TBC1D19: variants seen among roughly 807,000 people sequenced by gnomAD.
The protein encoded by TBC1D19 is TBC1 domain family, member 19.
TBC1D19 carries 60 observed loss-of-function variants against 89.0 expected under a neutral mutation model. That is an observed-to-expected ratio of 0.67 (90% CI 0.55 to 0.84). The LOEUF (loss-of-function observed/expected upper bound fraction) is 0.84. Among genes scored for constraint, TBC1D19 ranks in the 40% least tolerant of loss-of-function variants. The pLI, the probability that TBC1D19 is intolerant of heterozygous loss-of-function variation, is 0.00. For missense variants in TBC1D19, 500 were observed against 610.8 expected, an observed-to-expected ratio of 0.82 and a Z score of 1.91; for synonymous variants, 189 against 199.7, an observed-to-expected ratio of 0.95 and a Z score of 0.45.
intron 9 of TBC1D19, among the ~76,000 whole-genome samples, 186 bp downstream of exon 9, chr4:26,666,591 A>C (rs1703327589): frequency 6.6e-6 from 1 of 151,986 alleles, no homozygotes; most frequent in South Asian, 2.1e-4. Context: ...ACTTCAACTA[A>C]ATTTTGTCTT....
intron 1 of TBC1D19, among the ~76,000 whole-genome samples, chr4:26,609,295 C>G (rs749242203): frequency 6.6e-6 from 1 of 151,962 alleles, no homozygotes; most frequent in African/African-American, 2.4e-5. Flanking sequence ...ACTTGGGATG[C>G]AAAAATAAAG....
intron 1 of TBC1D19, among the ~76,000 whole-genome samples, chr4:26,593,520 A>G (rs1397324378): frequency 6.6e-6 from 1 of 152,246 alleles, no homozygotes; most frequent in Non-Finnish European, 1.5e-5. Context: ...GCTTCTGCAC[A>G]GCAAAAGAAA....
At chr4:26,633,746 G>T (rs530614788) in intron 4 of TBC1D19, among the ~76,000 whole-genome samples, 1 of 152,140 alleles carries the variant, frequency 6.6e-6, no homozygotes, top group East Asian at 1.9e-4. Flanking sequence ...ACTCTCTTCT[G>T]CATTAAAAAC....
chr4:26,602,435 C>CTTTTT (rs34004440), intron 1 of TBC1D19, among the ~76,000 whole-genome samples: 6 of 73,040 alleles, frequency 8.2e-5, no homozygotes, highest in Admixed American at 2.0e-4. Flanking sequence ...CTATTGTATT[C>CTTTTT]TTTTTTTTTT....
chr4:26,842,535 TTCCC>T, the TBC1D19 span, among the ~76,000 whole-genome samples: 67 of 125,680 alleles, frequency 5.3e-4, no homozygotes, highest in African/African-American at 1.2e-3. Context: ...CTTCCCTTCC[TTCCC>T]TCCCTCCCTC....
chr4:26,802,691 ATACTT>A, the TBC1D19 span, among the ~76,000 whole-genome samples: 6 of 152,242 alleles, frequency 3.9e-5, no homozygotes, highest in Admixed American at 6.5e-5. Context: ...ATAATGGCAT[ATACTT>A]TATATATGTA....
chr4:26,678,135 G>A (rs186621478), intron 11 of TBC1D19, among the ~76,000 whole-genome samples: 21 of 152,284 alleles, frequency 1.4e-4, no homozygotes, highest in African/African-American at 2.6e-4. Flanking sequence ...GTTGAATGGC[G>A]TTGACCAAAA....
intron 15 of TBC1D19, among the ~76,000 whole-genome samples, chr4:26,734,289 T>C (rs1717834676): frequency 6.6e-6 from 1 of 152,140 alleles, no homozygotes; most frequent in Admixed American, 6.5e-5. Flanking sequence ...TTATTAGAAC[T>C]CACTCTATAT....
At chr4:26,776,760 G>A in the TBC1D19 span, among the ~76,000 whole-genome samples, 239 of 152,090 alleles carry the variant, frequency 1.6e-3, no homozygotes, top group African/African-American at 5.6e-3. Context: ...TTCTTTCCTT[G>A]TGTATCTTAA....
chr4:26,727,818 T>G (rs558481554), intron 15 of TBC1D19, among the ~76,000 whole-genome samples: 2 of 152,340 alleles, frequency 1.3e-5, no homozygotes, highest in Middle Eastern at 3.4e-3. Context: ...TAAGCCTTGA[T>G]TATATTTATA....
intron 4 of TBC1D19, among the ~76,000 whole-genome samples, chr4:26,634,000 T>C (rs1467598027): frequency 6.6e-6 from 1 of 151,926 alleles, no homozygotes; most frequent in Non-Finnish European, 1.5e-5. Context: ...TTGGAGTCTA[T>C]GGGTATGCCT....
intron 1 of TBC1D19, among the ~76,000 whole-genome samples, chr4:26,608,319 A>G (rs901893085): frequency 6.6e-6 from 1 of 152,186 alleles, no homozygotes; most frequent in African/African-American, 2.4e-5. Context: ...TATCAGAATA[A>G]AGCTGTACCT....
chr4:26,792,139 A>AT, the TBC1D19 span, among the ~76,000 whole-genome samples: 89 of 150,186 alleles, frequency 5.9e-4, no homozygotes, highest in African/African-American at 1.9e-3. Flanking sequence ...AGGTTTATGC[A>AT]TTTTTTTTTC....
chr4:26,724,886 CCA>C (rs1053419808), intron 15 of TBC1D19, among the ~76,000 whole-genome samples: 8 of 152,200 alleles, frequency 5.3e-5, no homozygotes, highest in Admixed American at 2.6e-4. Context: ...AATCTGTATA[CCA>C]CCACTCCCAT....
the TBC1D19 span, among the ~76,000 whole-genome samples, chr4:26,842,588 C>CTTTCT: frequency 9.5e-6 from 1 of 104,736 alleles, no homozygotes; most frequent in African/African-American, 4.3e-5. Flanking sequence ...CCCTCCCTTT[C>CTTTCT]TTTCTTTCTT....
chr4:26,734,416 T>C lies in TBC1D19; in HGVS notation c.1085-1039T>C, dbSNP rs1445155222. On this transcript the variant is annotated intron_variant, in intron 15 of 20. Coordinates refer to ENST00000264866, the MANE Select transcript of TBC1D19 (RefSeq NM_018317.4). ...GTGCTGTGTTTGCAACCTGATTTAG[T>C]AGTGTTAGCTATATGGTGGTATATA... Among the ~76,000 whole-genome samples, 3 of 152,192 alleles carry C rather than the reference T, an allele frequency of 2.0e-5. No individual in the cohort carries two copies. In the East Asian group the frequency reaches 5.8e-4, roughly 29 times the overall value.
rs556128526 is a variant in TBC1D19, at chr4:26,587,358, G to A, written c.99+3066G>A. 1.5e-4 allele frequency among the ~76,000 whole-genome samples: 23 copies of A among 152,000 alleles called. No individual in the cohort carries two copies. The South Asian group carries it at 4.6e-3, about 30-fold the overall frequency. ...TTTGGGAGGCCAAGGTGGGCAGATC[G>A]CTTGAGCTCACGAGTTTGAGACCAG... is the stretch of plus-strand genomic sequence containing the variant. On this transcript the variant is annotated intron_variant, in intron 1 of 20. Coordinates refer to ENST00000264866, the MANE Select transcript of TBC1D19 (RefSeq NM_018317.4).
At chr4:26,736,521 G>C (rs1372075778) in intron 16 of TBC1D19, among the ~76,000 whole-genome samples, 2 of 151,932 alleles carry the variant, frequency 1.3e-5, no homozygotes, top group Non-Finnish European at 2.9e-5. Flanking sequence ...ATGTGCACAT[G>C]TACCCTAAAA....
chr4:26,817,975 A>AT, the TBC1D19 span, among the ~76,000 whole-genome samples: 3 of 105,208 alleles, frequency 2.9e-5, no homozygotes, highest in African/African-American at 1.4e-4. Flanking sequence ...ATTTAAAAAA[A>AT]AAAAAAATAT....
Sources: allele counts gnomAD v4.1 joint callset (sites outside exome capture counted in the v4.1 genomes callset), GRCh38; gene constraint gnomAD v4.1.1; transcripts MANE v1.5; gene names NCBI Gene and HGNC (gene_info 2026-07-23, HGNC 2026-07-21).